Variants in PHF24 observed in about 807,000 individuals in gnomAD.
PHF24 encodes Galpha inhibitory interacting protein.
PHF24 carries 25 observed loss-of-function variants against 42.6 expected under a neutral mutation model. That is an observed-to-expected ratio of 0.59 (90% confidence interval 0.43 to 0.82). The LOEUF (loss-of-function observed/expected upper bound fraction) is 0.82, where lower values mean the gene tolerates loss of function less well. Among genes scored for constraint, PHF24 ranks in the 40% least tolerant of loss-of-function variants. PHF24 has a pLI of 0.00. For synonymous variants in PHF24, 185 were observed against 204.8 expected (o/e 0.90, Z 0.83); for missense variants, 470 against 538.1 (o/e 0.87, Z 1.25).
the PHF24 span, among the ~76,000 whole-genome samples, chr9:34,826,655 G>A: frequency 6.6e-6 from 1 of 152,294 alleles, no homozygotes; most frequent in South Asian, 2.1e-4. Flanking sequence ...GCTGGTGGTC[G>A]GTTTCCTGAA....
At chr9:34,822,968 G>A in the PHF24 span, among the ~76,000 whole-genome samples, 5 of 151,076 alleles carry the variant, frequency 3.3e-5, no homozygotes, top group Admixed American at 2.0e-4. Context: ...AGGCCGAGGC[G>A]GGTGGATCAT....
At chr9:34,889,128 T>A in the PHF24 span, 1 of 398,630 alleles carries the variant, frequency 2.5e-6, no homozygotes, top group Non-Finnish European at 4.4e-6. Flanking sequence ...TTAATGGAAA[T>A]GGCAATGAAA....
At chr9:34,813,038 A>G in the PHF24 span, among the ~76,000 whole-genome samples, 2,525 of 152,340 alleles carry the variant, frequency 0.017, 61 homozygotes, top group African/African-American at 0.057. Context: ...GTGAAAGCAC[A>G]TAAAGATACT....
At chr9:34,822,132 T>C in the PHF24 span, among the ~76,000 whole-genome samples, 1 of 152,198 alleles carries the variant, frequency 6.6e-6, no homozygotes, top group Non-Finnish European at 1.5e-5. Flanking sequence ...ACATTATCAT[T>C]ATTTTTCATT....
At chr9:34,949,780 A>T in the PHF24 span, among the ~76,000 whole-genome samples, 3 of 152,094 alleles carry the variant, frequency 2.0e-5, no homozygotes, top group South Asian at 2.1e-4. Context: ...GTTCTCACTC[A>T]TAAGTGGGAG....
At chr9:34,867,482 T>C in the PHF24 span, among the ~76,000 whole-genome samples, 1 of 152,014 alleles carries the variant, frequency 6.6e-6, no homozygotes, top group Non-Finnish European at 1.5e-5. Context: ...TGTAGGCTAC[T>C]GCCAAGTGAC....
In PHF24 at chr9:34,976,316, T is replaced by C; in HGVS notation, c.643+86T>C. On this transcript the variant is annotated intron_variant, in intron 4 of 7. Transcript: ENST00000242315. ...TCTAGAATGAACCATGAAAGGAGTG[T>C]TCCATATTTAGTGGGTAGAGGGTAA... 4 of 1,241,500 alleles carry C rather than the reference T, an allele frequency of 3.2e-6. No individual in the cohort carries two copies. In the South Asian group the frequency reaches 4.8e-5, roughly 15 times the overall value. The allele number at this position is 1,241,500 out of a possible 1,614,324, so 76.9% of individuals were successfully genotyped here.
the PHF24 span, chr9:34,723,233 T>C: frequency 6.4e-7 from 1 of 1,551,084 alleles, no homozygotes; most frequent in Non-Finnish European, 8.7e-7. Context: ...GGTCAGGAGC[T>C]AGGTTGGGTG....
At chr9:34,760,628 G>C in the PHF24 span, among the ~76,000 whole-genome samples, 1 of 152,144 alleles carries the variant, frequency 6.6e-6, no homozygotes, top group Non-Finnish European at 1.5e-5. Flanking sequence ...AGCGGTAGAC[G>C]GCAGCCAGAG....
chr9:34,910,767 C>A, the PHF24 span, among the ~76,000 whole-genome samples: 1 of 151,256 alleles, frequency 6.6e-6, no homozygotes, highest in Non-Finnish European at 1.5e-5. Context: ...TTTAGTTTAC[C>A]CTATAGAAAA....
At chr9:34,714,418 C>T in the PHF24 span, among the ~76,000 whole-genome samples, 11 of 152,124 alleles carry the variant, frequency 7.2e-5, no homozygotes, top group Admixed American at 5.2e-4. Flanking sequence ...CAGATAATTC[C>T]GAAGTCATAT....
the PHF24 span, among the ~76,000 whole-genome samples, chr9:34,790,386 G>A: frequency 5.9e-5 from 9 of 152,290 alleles, no homozygotes; most frequent in South Asian, 1.7e-3. Flanking sequence ...ATGCAAGAAA[G>A]CTTTCTCTTC....
At chr9:34,840,539 CCTT>C in the PHF24 span, among the ~76,000 whole-genome samples, 20 of 139,478 alleles carry the variant, frequency 1.4e-4, no homozygotes, top group South Asian at 2.4e-4. Flanking sequence ...TCTTCTCCTT[CCTT>C]CTTCTTCTTC....
intron 6 of PHF24, 90 bp from the exon 7 acceptor site, chr9:34,977,456 G>A: frequency 7.3e-7 from 1 of 1,362,662 alleles, no homozygotes; most frequent in Non-Finnish European, 1.0e-6. Context: ...GCCTGGATGA[G>A]CATGTCCAGA....
the PHF24 span, among the ~76,000 whole-genome samples, chr9:34,780,296 T>TC: frequency 2.2e-5 from 2 of 89,918 alleles, no homozygotes; most frequent in African/African-American, 6.5e-5. Flanking sequence ...TTTTCTTTTT[T>TC]TCTTTTTTTT....
chr9:34,900,993 A>G, the PHF24 span, among the ~76,000 whole-genome samples: 1 of 152,226 alleles, frequency 6.6e-6, no homozygotes, highest in Non-Finnish European at 1.5e-5. Context: ...TGGACAAATT[A>G]TTTGAAAGAC....
At chr9:34,952,677 C>T (rs1389571284), upstream of PHF24, among the ~76,000 whole-genome samples, 1 of 152,174 alleles carries the variant, frequency 6.6e-6, no homozygotes, top group Non-Finnish European at 1.5e-5. Context: ...CATAGATCAA[C>T]ACAGCAGAAT....
At chr9:34,793,483 C>T in the PHF24 span, among the ~76,000 whole-genome samples, 3 of 152,150 alleles carry the variant, frequency 2.0e-5, no homozygotes, top group Non-Finnish European at 4.4e-5. Flanking sequence ...AGCTGAAAAA[C>T]CTGGACAGAA....
chr9:34,711,824 T>C, the PHF24 span, among the ~76,000 whole-genome samples: 1 of 152,322 alleles, frequency 6.6e-6, no homozygotes, highest in Non-Finnish European at 1.5e-5. Context: ...ATTACAGACA[T>C]GAGCCACTGC....
Sources: allele counts gnomAD v4.1 joint callset (sites outside exome capture counted in the v4.1 genomes callset), GRCh38; gene constraint gnomAD v4.1.1; transcripts MANE v1.5; gene names NCBI Gene and HGNC (gene_info 2026-07-23, HGNC 2026-07-21).